The following ROBO2 variants were observed in gnomAD, a reference collection of about 807,000 sequenced individuals.
ROBO2 encodes the protein roundabout homolog 2.
A neutral mutation model predicts 160.8 loss-of-function variants in ROBO2; 53 were observed. That is an observed-to-expected ratio of 0.33 (90% CI 0.26 to 0.41). The LOEUF is 0.41. ROBO2 is among the 10% of genes least tolerant of loss of function. ROBO2 has a pLI of 1.00. For synonymous variants in ROBO2, 664 were observed against 611.7 expected (o/e 1.09, Z -1.26); for missense variants, 1,577 against 1,722.4 (o/e 0.92, Z 1.49).
chr3:76,099,099 T>G (rs2069575716), intron 2 of ROBO2, among the ~76,000 whole-genome samples: 1 of 152,190 alleles, frequency 6.6e-6, no homozygotes, highest in Admixed American at 6.5e-5. Flanking sequence ...AGAGATTCTT[T>G]TAGGAAACCC....
chr3:75,937,642 C>T (rs963007285), intron 2 of ROBO2: 20 of 1,239,414 alleles, frequency 1.6e-5, no homozygotes, highest in Admixed American at 9.2e-5. Context: ...GAGTTGGATG[C>T]GAATTTCACT....
intron 2 of ROBO2, among the ~76,000 whole-genome samples, chr3:75,956,101 A>C (rs1338398546): frequency 6.6e-6 from 1 of 151,762 alleles, no homozygotes. Flanking sequence ...CACAAGGGTG[A>C]ATTATGTCAA....
At position 76,773,987 on chromosome 3, in the gene ROBO2, C is replaced by T. The variant is rs948970337; in HGVS notation, c.110-324027C>T. Among the ~76,000 whole-genome samples, 15 of 150,936 alleles carry T rather than the reference C, an allele frequency of 9.9e-5. 1 individual carries two copies. Among genetic ancestry groups the T allele is most frequent in the African/African-American group, 3.1e-4 (13 of 41,400 alleles). On this transcript the variant is annotated intron_variant, in intron 2 of 26. Coordinates refer to the ROBO2 transcript ENST00000487694. The stretch of plus-strand genomic sequence containing the variant: ...GTATGGACAAATATTGATTTTTTCC[C>T]TAGACTGCTACAAATATGCTCCTTT...
Position 77,624,877 on chromosome 3 carries a change from G to A in ROBO2, c.3760+2445G>A, listed in dbSNP as rs374856410. ...AAACCCTGAAACCAATCAGAATATT[G>A]GGTTCCAGTCCCTGCAACTCTGAAG... On this transcript the variant is annotated intron_variant, in intron 23 of 25. Coordinates refer to ENST00000461745, the Ensembl canonical transcript of ROBO2. Among the ~76,000 whole-genome samples the A allele has an allele frequency of 3.9e-5, 6 of 152,154 alleles. 1 individual carries two copies. The East Asian group carries it at 1.2e-3, about 29-fold the overall frequency.
intron 2 of ROBO2, among the ~76,000 whole-genome samples, chr3:77,407,604 G>A (rs767308030): frequency 2.6e-5 from 4 of 152,146 alleles, no homozygotes; most frequent in East Asian, 3.9e-4. Context: ...CTCCTGCAGC[G>A]TTTACTTTAT....
chr3:76,130,187 G>GA (rs2071172758), intron 2 of ROBO2, among the ~76,000 whole-genome samples: 1 of 151,852 alleles, frequency 6.6e-6, no homozygotes, highest in African/African-American at 2.4e-5. Flanking sequence ...TCAGTATCTA[G>GA]AAAAAAATAT....
chr3:77,135,081 A>G (rs1013899807), intron 2 of ROBO2, among the ~76,000 whole-genome samples: 2 of 152,194 alleles, frequency 1.3e-5, no homozygotes, highest in Admixed American at 1.3e-4. Context: ...GTTTCCGTAG[A>G]TCAGCCTAGA....
rs943370676 is a variant in ROBO2 at position 76,109,179 on chromosome 3, C to T, written c.109+171577C>T. Among the ~76,000 whole-genome samples, 9 of 151,980 alleles carry T rather than the reference C, an allele frequency of 5.9e-5. No individual in the cohort carries two copies. In the South Asian group the frequency reaches 8.3e-4, roughly 14 times the overall value. ...TAAAGTGTATAATATAATAAACTAT[C>T]GCATGGATAGTGTTTCATAAATGAG... On this transcript the variant is annotated intron_variant, in intron 2 of 26. Coordinates refer to the ROBO2 transcript ENST00000487694.
intron 19 of ROBO2, among the ~76,000 whole-genome samples, chr3:77,601,769 A>G (rs189064478): frequency 6.6e-6 from 1 of 152,318 alleles, no homozygotes; most frequent in East Asian, 1.9e-4. Context: ...ATAATTTTTG[A>G]AATGTTAGCA....
intron 2 of ROBO2, among the ~76,000 whole-genome samples, chr3:76,655,355 C>A: frequency 7.1e-6 from 1 of 139,960 alleles, no homozygotes; most frequent in Non-Finnish European, 1.5e-5. Flanking sequence ...TGTAAAATTA[C>A]ATGCTAATAT....
At chr3:77,603,450 A>T (rs977167996) in intron 20 of ROBO2, among the ~76,000 whole-genome samples, 2 of 152,146 alleles carry the variant, frequency 1.3e-5, no homozygotes, top group African/African-American at 4.8e-5. Flanking sequence ...TATATCATTG[A>T]TGTGACCTCC....
At chr3:76,007,819 C>T (rs927978271) in intron 2 of ROBO2, among the ~76,000 whole-genome samples, 1 of 152,066 alleles carries the variant, frequency 6.6e-6, no homozygotes, top group African/African-American at 2.4e-5. Flanking sequence ...CTTAAAAATC[C>T]TTTGCTAATG....
chr3:77,082,595 A>G (rs1047017548), intron 1 of ROBO2, among the ~76,000 whole-genome samples: 1 of 151,764 alleles, frequency 6.6e-6, no homozygotes, highest in African/African-American at 2.4e-5. Context: ...AAACATATCA[A>G]AAGATATATT....
intron 2 of ROBO2, among the ~76,000 whole-genome samples, chr3:77,411,098 A>G (rs912190552): frequency 4.6e-5 from 7 of 152,114 alleles, no homozygotes; most frequent in Admixed American, 3.9e-4. Flanking sequence ...ATGAGCTACC[A>G]CAAACAGCTT....
At chr3:76,446,247 G>T (rs979395211) in intron 2 of ROBO2, among the ~76,000 whole-genome samples, 1 of 151,948 alleles carries the variant, frequency 6.6e-6, no homozygotes, top group East Asian at 1.9e-4. Context: ...ACAACAATAA[G>T]AGACAAACAG....
chr3:77,415,099 G>A (rs1000414028), intron 2 of ROBO2, among the ~76,000 whole-genome samples: 2 of 152,166 alleles, frequency 1.3e-5, no homozygotes, highest in East Asian at 1.9e-4. Context: ...GAATATTCAG[G>A]ACATATGTTT....
intron 2 of ROBO2, among the ~76,000 whole-genome samples, chr3:76,203,911 T>A (rs1336833577): frequency 6.6e-6 from 1 of 152,220 alleles, no homozygotes; most frequent in Admixed American, 6.5e-5. Context: ...GTGGTAGGTG[T>A]AAGAAGATGC....
chr3:76,320,279 A>G (rs538084491), intron 2 of ROBO2, among the ~76,000 whole-genome samples: 2 of 152,180 alleles, frequency 1.3e-5, no homozygotes, highest in African/African-American at 4.8e-5. Flanking sequence ...TAATATGACT[A>G]TATTCTTATG....
intron 6 of ROBO2, among the ~76,000 whole-genome samples, chr3:77,530,571 G>A (rs548610839): frequency 5.6e-4 from 85 of 152,076 alleles, no homozygotes; most frequent in African/African-American, 1.8e-3. Flanking sequence ...GAAAGCGGAC[G>A]TTCATATACT....
Sources: gnomAD v4.1 joint callset for allele counts (sites outside exome capture counted in the v4.1 genomes callset) on GRCh38, gnomAD v4.1.1 for gene constraint, MANE v1.5 for transcripts, NCBI Gene and HGNC (gene_info 2026-07-23, HGNC 2026-07-21) for gene names.